The following GPC5 variants were observed in gnomAD, a reference collection of about 807,000 sequenced individuals.
GPC5 encodes glypican 5, also known as glypican-5.
GPC5 carries 47 observed loss-of-function variants against 53.9 expected under a neutral mutation model. The observed-to-expected ratio is 0.87, with a 90% CI of 0.69 to 1.11. The LOEUF is 1.11. Among genes scored for constraint, GPC5 ranks in the 50% most tolerant of loss-of-function variants. The pLI, the probability that GPC5 is intolerant of heterozygous loss-of-function variation, is 0.00. For synonymous variants in GPC5, 286 were observed against 263.3 expected, an observed-to-expected ratio of 1.09 and a Z score of -0.84; for missense variants, 748 against 713.1, an observed-to-expected ratio of 1.05 and a Z score of -0.56.
At chr13:92,260,473 C>A (rs753627274) in intron 7 of GPC5, among the ~76,000 whole-genome samples, 12 of 152,172 alleles carry the variant, frequency 7.9e-5, no homozygotes, top group Non-Finnish European at 1.6e-4. Context: ...TTCTGTAGAT[C>A]CGCATCAGGC....
At chr13:92,520,568 C>A (rs1438370589) in intron 7 of GPC5, among the ~76,000 whole-genome samples, 1 of 152,188 alleles carries the variant, frequency 6.6e-6, no homozygotes, top group Admixed American at 6.5e-5. Context: ...AGGCCTTTGA[C>A]AAAATTCAAC....
chr13:92,097,380 A>G (rs1350151520), intron 6 of GPC5, among the ~76,000 whole-genome samples: 1 of 152,238 alleles, frequency 6.6e-6, no homozygotes, highest in Admixed American at 6.5e-5. Flanking sequence ...ATTCTCATCT[A>G]TATTGCAAAA....
intron 7 of GPC5, among the ~76,000 whole-genome samples, chr13:92,269,946 A>G (rs116154929): frequency 0.013 from 2,011 of 152,210 alleles, 52 homozygotes; most frequent in African/African-American, 0.046. Flanking sequence ...GTCTATTTCA[A>G]TGCAAGTAAC....
At chr13:91,991,957 T>G (rs1030874390) in intron 6 of GPC5, among the ~76,000 whole-genome samples, 1 of 152,208 alleles carries the variant, frequency 6.6e-6, no homozygotes, top group Non-Finnish European at 1.5e-5. Flanking sequence ...GCAGTTAATG[T>G]GTTTATGATG....
chr13:92,550,872 T>C (rs1177675559), intron 7 of GPC5, among the ~76,000 whole-genome samples: 14 of 151,924 alleles, frequency 9.2e-5, no homozygotes, highest in Non-Finnish European at 2.1e-4. Flanking sequence ...TCTGTTTTTA[T>C]TGTTTTTATC....
chr13:91,468,027 C>G (rs570461079), intron 2 of GPC5, among the ~76,000 whole-genome samples: 1 of 152,224 alleles, frequency 6.6e-6, no homozygotes, highest in South Asian at 2.1e-4. Flanking sequence ...GGTATCGCTT[C>G]CTGCCCAGGC....
chr13:92,325,505 G>T (rs1019573776), intron 7 of GPC5, among the ~76,000 whole-genome samples: 1 of 152,166 alleles, frequency 6.6e-6, no homozygotes, highest in Middle Eastern at 3.4e-3. Flanking sequence ...CTCTGTTGTT[G>T]TGATTCTTAA....
At chr13:91,855,116 A>G (rs1481008869) in intron 5 of GPC5, among the ~76,000 whole-genome samples, 1 of 151,780 alleles carries the variant, frequency 6.6e-6, no homozygotes, top group Non-Finnish European at 1.5e-5. Context: ...TTCAGTCTTT[A>G]TAGTCTAAAT....
chr13:91,819,848 A>G (rs937084249), intron 5 of GPC5, among the ~76,000 whole-genome samples: 6 of 152,202 alleles, frequency 3.9e-5, no homozygotes, highest in African/African-American at 1.4e-4. Flanking sequence ...GGTTGTATCA[A>G]TTTATACTCT....
intron 7 of GPC5, among the ~76,000 whole-genome samples, chr13:92,761,421 CTCT>C (rs1278939421): frequency 3.9e-5 from 6 of 152,112 alleles, no homozygotes; most frequent in African/African-American, 1.4e-4. Context: ...GAATAGAGCC[CTCT>C]ATCATTAAAT....
At chr13:92,369,951 T>C (rs2043637035) in intron 7 of GPC5, among the ~76,000 whole-genome samples, 1 of 152,204 alleles carries the variant, frequency 6.6e-6, no homozygotes, top group Non-Finnish European at 1.5e-5. Context: ...TTATATATGA[T>C]TCATCTCATT....
chr13:92,395,595 A>AT (rs1299560931), intron 7 of GPC5, among the ~76,000 whole-genome samples: 3 of 152,092 alleles, frequency 2.0e-5, no homozygotes, highest in African/African-American at 7.2e-5. Context: ...GACCTATATA[A>AT]TTTTTTTCCC....
intron 2 of GPC5, among the ~76,000 whole-genome samples, chr13:91,591,781 A>G (rs781090650): frequency 1.3e-5 from 2 of 152,214 alleles, no homozygotes; most frequent in Non-Finnish European, 2.9e-5. Flanking sequence ...TTTTAGCTCT[A>G]GAAGTTCAGT....
chr13:91,947,297 A>C (rs1462159078), intron 6 of GPC5, among the ~76,000 whole-genome samples: 1 of 152,206 alleles, frequency 6.6e-6, no homozygotes, highest in Admixed American at 6.5e-5. Flanking sequence ...AATATAAAGA[A>C]AATGACAGCA....
chr13:92,031,075 C>A (rs894155199), intron 6 of GPC5, among the ~76,000 whole-genome samples: 2 of 152,056 alleles, frequency 1.3e-5, no homozygotes, highest in Non-Finnish European at 2.9e-5. Flanking sequence ...ACATTCTTTT[C>A]TCTTGGCTTC....
chr13:92,403,076 A>T (rs936232260), intron 7 of GPC5, among the ~76,000 whole-genome samples: 1 of 152,144 alleles, frequency 6.6e-6, no homozygotes, highest in Non-Finnish European at 1.5e-5. Context: ...CAAATTTTCT[A>T]TTTCAATGTA....
intron 5 of GPC5, among the ~76,000 whole-genome samples, chr13:91,826,587 G>A (rs1421500135): frequency 2.0e-5 from 3 of 151,956 alleles, no homozygotes; most frequent in Non-Finnish European, 2.9e-5. Context: ...AAGCAAAACA[G>A]TCTTGAAAAT....
intron 6 of GPC5, among the ~76,000 whole-genome samples, chr13:91,943,709 C>T (rs79993353): frequency 0.022 from 3,343 of 152,176 alleles, 116 homozygotes; most frequent in African/African-American, 0.076. Context: ...TATTATTTGT[C>T]GAAATACCTT....
At chr13:92,029,850 C>A (rs2040827616) in intron 6 of GPC5, among the ~76,000 whole-genome samples, 1 of 152,112 alleles carries the variant, frequency 6.6e-6, no homozygotes, top group South Asian at 2.1e-4. Context: ...ATGAGGTATG[C>A]CAGTCTCCTT....
Sources: gnomAD v4.1 joint callset for allele counts (sites outside exome capture counted in the v4.1 genomes callset) on GRCh38, gnomAD v4.1.1 for gene constraint, MANE v1.5 for transcripts, NCBI Gene and HGNC (gene_info 2026-07-23, HGNC 2026-07-21) for gene names.